Variants in IKZF2 observed in about 807,000 individuals in gnomAD.
IKZF2 encodes the protein IKAROS family zinc finger 2, also known as zinc finger protein Helios.
A neutral mutation model predicts 49.2 loss-of-function variants in IKZF2; 15 were observed. That is an observed-to-expected ratio of 0.30 (90% CI 0.20 to 0.47). The LOEUF is 0.47. Among genes scored for constraint, IKZF2 ranks in the 20% least tolerant of loss-of-function variants. The pLI is 1.00. For synonymous variants in IKZF2, 227 were observed against 221.4 expected, an observed-to-expected ratio of 1.03 and a Z score of -0.23; for missense variants, 567 against 664.6, an observed-to-expected ratio of 0.85 and a Z score of 1.61.
rs188390416 is a variant in IKZF2, at chr2:213,086,621, C to T, written c.140-29522G>A. The stretch of plus-strand genomic sequence containing the variant: ...AAGATGTCCAGAGATTGCTAGGCTT[C>T]CTCAGCAACGACTACAGGGACTAGG... On this transcript the variant is annotated intron_variant, in intron 4 of 8. Transcript: ENST00000434687. 2.7e-3 allele frequency among the ~76,000 whole-genome samples: 416 copies of T among 152,240 alleles called. 4 individuals carry two copies. The highest frequency in any genetic ancestry group is 3.3e-3 in the Non-Finnish European group (224 of 68,012).
intron 4 of IKZF2, among the ~76,000 whole-genome samples, chr2:213,129,409 G>A (rs1225415813): frequency 6.7e-6 from 1 of 150,234 alleles, no homozygotes; most frequent in African/African-American, 2.5e-5. Flanking sequence ...AAACAAGGAA[G>A]AAAACGTGTC....
At position 213,028,026 on chromosome 2, in the gene IKZF2, T is replaced by A. The variant is rs754044738; in HGVS notation, c.575-5896A>T. Among the ~76,000 whole-genome samples, 238 of 152,266 alleles carry A rather than the reference T, an allele frequency of 1.6e-3. 1 individual carries two copies. Among genetic ancestry groups the A allele is most frequent in the Non-Finnish European group, 2.7e-3 (187 of 68,004 alleles). ...ATGTGTTTAACATCGATTCACATAA[T>A]TACTATAGTTGTCAAAAGTCTATGG... On this transcript the variant is annotated intron_variant, in intron 6 of 8. Transcript: ENST00000434687.
At chr2:213,112,422 G>A (rs964936300) in intron 4 of IKZF2, among the ~76,000 whole-genome samples, 1 of 149,408 alleles carries the variant, frequency 6.7e-6, no homozygotes, top group East Asian at 1.9e-4. Context: ...TATGAAAATG[G>A]CTTAATGAAA....
intron 8 of IKZF2, among the ~76,000 whole-genome samples, chr2:213,012,362 G>A (rs1397242374): frequency 6.6e-6 from 1 of 151,694 alleles, no homozygotes; most frequent in East Asian, 1.9e-4. Context: ...GTTACAAAGA[G>A]TAGACTATAT....
chr2:213,062,467 G>T lies in IKZF2; in HGVS notation c.140-5368C>A, dbSNP rs535767236. Among the ~76,000 whole-genome samples, 3 of 151,686 alleles carry T rather than the reference G, an allele frequency of 2.0e-5. No individual in the cohort carries two copies. The East Asian group carries it at 5.8e-4, about 29-fold the overall frequency. On this transcript the variant is annotated intron_variant, in intron 4 of 8. Transcript: ENST00000434687. ...ATTGGTGACTTATTTTTGTTTAGTT[G>T]CCAAAGTGTATATTTTAATTTTAAT...
Position 213,052,470 on chromosome 2 carries a change from T to G in IKZF2, c.407-2590A>C, listed in dbSNP as rs1170760961. Among the ~76,000 whole-genome samples the G allele has an allele frequency of 2.0e-5, 3 of 152,078 alleles. No individual in the cohort carries two copies. In the South Asian group the frequency reaches 6.2e-4, roughly 31 times the overall value. On this transcript the variant is annotated intron_variant, in intron 5 of 8. Transcript: ENST00000434687. ...AAGTCTTGATAGATGCTTTTTACATTTGGATACTAATTTTATGGCTTTCCT... is the reference window on the plus strand; with the variant it reads ...AAGTCTTGATAGATGCTTTTTACATGTGGATACTAATTTTATGGCTTTCCT...
chr2:213,146,762 G>GA (rs1553604957), intron 4 of IKZF2, among the ~76,000 whole-genome samples: 1 of 134,456 alleles, frequency 7.4e-6, no homozygotes, highest in Non-Finnish European at 1.6e-5. Context: ...AAATCTTCGG[G>GA]GGGGGGGAAG....
chr2:213,098,413 T>C (rs919184817), intron 4 of IKZF2, among the ~76,000 whole-genome samples: 6 of 152,016 alleles, frequency 3.9e-5, no homozygotes, highest in Admixed American at 6.6e-5. Flanking sequence ...GAGGCACCCA[T>C]GACATTTAAT....
At chr2:213,043,366 A>C (rs1192962794) in intron 6 of IKZF2, among the ~76,000 whole-genome samples, 3 of 152,224 alleles carry the variant, frequency 2.0e-5, no homozygotes, top group Non-Finnish European at 4.4e-5. Flanking sequence ...AGAAATTTTT[A>C]AGTCTACAAT....
chr2:213,101,853 C>A (rs75543042), intron 4 of IKZF2, among the ~76,000 whole-genome samples: 3,299 of 152,192 alleles, frequency 0.022, 123 homozygotes, highest in African/African-American at 0.075. Context: ...ACCTAGAGTG[C>A]AAAGAAACAT....
rs149527934 is a variant in IKZF2 at position 213,008,039 on chromosome 2, A to T, written c.902T>A (p.Met301Lys). The T allele has an allele frequency of 5.6e-6, 9 of 1,612,316 alleles. No homozygotes were observed. The highest frequency in any genetic ancestry group is 1.7e-5 in the Admixed American group (1 of 59,838). Residue 301 changes from methionine (M) to lysine (K), a missense_variant, in exon 9 of 9, where the codon ATG becomes AAG. Coordinates refer to ENST00000434687, the MANE Select transcript of IKZF2 (RefSeq NM_001387220.1). ...AGCCTCCTTCTCATATGTTAAGTTC[A>T]TATCAAAGTGAATATCTGGGTAGCT... ...RFSYPDIHFD[M>K]NLTYEKEAEL...
chr2:213,010,804 T>C (rs553230987), intron 8 of IKZF2, among the ~76,000 whole-genome samples: 3 of 151,664 alleles, frequency 2.0e-5, no homozygotes, highest in African/African-American at 7.3e-5. Flanking sequence ...AATCTGAGAA[T>C]TGCATATTTA....
Position 213,028,112 on chromosome 2 carries a change from T to C in IKZF2, c.575-5982A>G, listed in dbSNP as rs568511576. On this transcript the variant is annotated intron_variant, in intron 6 of 8. Coordinates refer to ENST00000434687, the MANE Select transcript of IKZF2 (RefSeq NM_001387220.1). ...TCTTAGACCATTTTTTTCAAAAATATGGGTATTCAGTTGTTCTAGACCCAT... is the reference window on the plus strand; with the variant it reads ...TCTTAGACCATTTTTTTCAAAAATACGGGTATTCAGTTGTTCTAGACCCAT... 5.9e-5 allele frequency among the ~76,000 whole-genome samples: 9 copies of C among 152,232 alleles called. No homozygotes were observed. In the South Asian group the frequency reaches 1.9e-3, roughly 32 times the overall value.
intron 7 of IKZF2, among the ~76,000 whole-genome samples, chr2:213,019,794 G>A (rs1240837326): frequency 6.6e-6 from 1 of 152,140 alleles, no homozygotes; most frequent in African/African-American, 2.4e-5. Flanking sequence ...CTGTGCCTAC[G>A]GAGGGCTAAG....
intron 4 of IKZF2, among the ~76,000 whole-genome samples, chr2:213,063,057 GATAA>G (rs1701852792): frequency 6.6e-6 from 1 of 151,938 alleles, no homozygotes; most frequent in African/African-American, 2.4e-5. Flanking sequence ...TTTGACTGTG[GATAA>G]ATAAATGGAT....
At chr2:213,032,669 T>G (rs187405988) in intron 6 of IKZF2, among the ~76,000 whole-genome samples, 2 of 152,272 alleles carry the variant, frequency 1.3e-5, no homozygotes, top group East Asian at 3.9e-4. Context: ...GAGGATCACT[T>G]GAGCCCAGAC....
chr2:213,051,371 G>A (rs564081951), intron 5 of IKZF2, among the ~76,000 whole-genome samples: 65 of 151,830 alleles, frequency 4.3e-4, no homozygotes, highest in African/African-American at 1.5e-3. Context: ...GTGTGGTGGG[G>A]GTTAAGGTTT....
chr2:213,109,979 C>T (rs954609315), intron 4 of IKZF2, among the ~76,000 whole-genome samples: 2 of 151,802 alleles, frequency 1.3e-5, no homozygotes, highest in African/African-American at 4.8e-5. Flanking sequence ...ATTAAATATA[C>T]ACAATAAATA....
intron 4 of IKZF2, among the ~76,000 whole-genome samples, chr2:213,091,958 T>C (rs1705391023): frequency 6.6e-6 from 1 of 151,376 alleles, no homozygotes; most frequent in Non-Finnish European, 1.5e-5. Context: ...ATTTATTTAC[T>C]TATTATTTTT....
Sources: allele counts gnomAD v4.1 joint callset (sites outside exome capture counted in the v4.1 genomes callset), GRCh38; gene constraint gnomAD v4.1.1; transcripts MANE v1.5; gene names NCBI Gene and HGNC (gene_info 2026-07-23, HGNC 2026-07-21).